TRAP1: variants seen among roughly 807,000 people sequenced by gnomAD.
TRAP1 encodes TNF receptor associated protein 1.
A neutral mutation model predicts 89.1 loss-of-function variants in TRAP1; 102 were observed. The ratio of observed to expected loss-of-function variants is 1.15; its 90% CI spans 0.98 to 1.35. The LOEUF is 1.35. Among genes scored for constraint, TRAP1 ranks in the 40% most tolerant of loss-of-function variants. The probability of loss-of-function intolerance (pLI) is 0.00; values close to 1 mark genes in which losing one functional copy is unlikely to be tolerated. For missense variants in TRAP1, 1,256 were observed against 945.3 expected, an observed-to-expected ratio of 1.33 and a Z score of -4.31; for synonymous variants, 508 against 388.0, an observed-to-expected ratio of 1.31 and a Z score of -3.64.
chr16:3,669,278 G>A (rs1255153864), intron 11 of TRAP1, among the ~76,000 whole-genome samples: 1 of 152,198 alleles, frequency 6.6e-6, no homozygotes, highest in South Asian at 2.1e-4. Flanking sequence ...AACGACCACA[G>A]AACAGTCGCT....
chr16:3,663,582 G>A lies in TRAP1; in HGVS notation c.1570-20C>T. 1 of 1,613,116 alleles carries A rather than the reference G, an allele frequency of 6.2e-7. No homozygotes were observed. The highest frequency in any genetic ancestry group is 8.5e-7 in the Non-Finnish European group (1 of 1,179,804). ...GAGAACCTGCAGGTGGCCAAGAGCAGCTCCATCAGACCCCGGGGGCCTCCA... is the reference window on the plus strand; with the variant it reads ...GAGAACCTGCAGGTGGCCAAGAGCAACTCCATCAGACCCCGGGGGCCTCCA... On this transcript the variant is annotated intron_variant, in intron 13 of 17. Transcript: ENST00000246957.
chr16:3,691,149 T>A (rs1186286470), intron 1 of TRAP1, 164 bp from the exon 2 acceptor site: 5 of 591,278 alleles, frequency 8.5e-6, no homozygotes, highest in Admixed American at 8.4e-5. Context: ...AGTGTCAGGG[T>A]GTGGTTTTGG....
Position 3,706,293 on chromosome 16 carries a change from G to A in TRAP1, c.88+11128C>T, listed in dbSNP as rs138034040. Among the ~76,000 whole-genome samples the A allele has an allele frequency of 4.2e-3, 642 of 151,826 alleles. 4 individuals carry two copies. The highest frequency in any genetic ancestry group is 5.9e-3 in the Non-Finnish European group (401 of 67,968). On this transcript the variant is annotated intron_variant, in intron 1 of 17. Coordinates refer to ENST00000246957, the MANE Select transcript of TRAP1 (RefSeq NM_016292.3). ...TTACTGTAACTTTTGTTTTGGGGTG[G>A]GGTGGGGGTCTCACTATGTTGCCTG...
chr16:3,713,239 A>G (rs2051555061), intron 1 of TRAP1, among the ~76,000 whole-genome samples: 1 of 152,188 alleles, frequency 6.6e-6, no homozygotes, highest in African/African-American at 2.4e-5. Flanking sequence ...CGGAAATCAA[A>G]CAGCACAGGC....
chr16:3,704,143 G>C (rs1238154060), intron 1 of TRAP1: 2 of 152,258 alleles, frequency 1.3e-5, no homozygotes, highest in Admixed American at 6.5e-5. Context: ...TCAGGGGTTT[G>C]AGAACAGCCT....
At chr16:3,705,501 T>G (rs1293478625) in intron 1 of TRAP1, among the ~76,000 whole-genome samples, 2 of 152,222 alleles carry the variant, frequency 1.3e-5, no homozygotes, top group South Asian at 2.1e-4. Context: ...TTCTGGGCAC[T>G]TCACAGAAAT....
Position 3,679,776 on chromosome 16 carries a change from C to A in TRAP1, c.486G>T (p.Gly162=), listed in dbSNP as rs757449200. 1.2e-6 allele frequency: 2 copies of A among 1,614,098 alleles called. No homozygotes were observed. Among genetic ancestry groups the A allele is most frequent in the South Asian group, 1.1e-5 (1 of 91,088 alleles). The change falls in exon 5 of 18, where the codon GGG becomes GGT. Residue 162 remains glycine (G), a synonymous_variant. Coordinates refer to ENST00000246957, the MANE Select transcript of TRAP1 (RefSeq NM_016292.3). ...GTITIQDTGI[G]MTQEELVSNL... The stretch of plus-strand genomic sequence containing the variant: ...TGGACACCAGCTCTTCCTGTGTCAT[C>A]CCGATACCAGTATCCTGAGGAGAGA...
At chr16:3,671,423 C>A (rs1448114378) in intron 11 of TRAP1, among the ~76,000 whole-genome samples, 1 of 152,232 alleles carries the variant, frequency 6.6e-6, no homozygotes, top group Non-Finnish European at 1.5e-5. Context: ...GGCTGGCCTG[C>A]TGCAGGGCTG....
At chr16:3,679,114 A>T (rs1417347520) in intron 5 of TRAP1, among the ~76,000 whole-genome samples, 1 of 151,578 alleles carries the variant, frequency 6.6e-6, no homozygotes, top group Non-Finnish European at 1.5e-5. Flanking sequence ...ACATGGTGAA[A>T]CCCCGTCTCT....
chr16:3,674,574 C>A, intron 8 of TRAP1, 80 bp from the exon 9 acceptor site: 1 of 1,526,834 alleles, frequency 6.5e-7, no homozygotes, highest in Non-Finnish European at 8.9e-7. Flanking sequence ...TGAGCCAGTG[C>A]AGCGCCTGGC....
chr16:3,712,934 G>A (rs750422196), intron 1 of TRAP1, among the ~76,000 whole-genome samples: 1 of 152,050 alleles, frequency 6.6e-6, no homozygotes, highest in Non-Finnish European at 1.5e-5. Flanking sequence ...TCTTTTTCAG[G>A]CACTCAGATA....
In TRAP1 at chr16:3,690,766, C is replaced by T. The variant is rs1280413139; in HGVS notation, c.247+61G>A. 9 of 1,328,572 alleles carry T rather than the reference C, an allele frequency of 6.8e-6. No individual in the cohort carries two copies. In the South Asian group the frequency reaches 1.3e-4, roughly 19 times the overall value. The allele number at this position is 1,328,572 out of a possible 1,614,324, so 82.3% of individuals were successfully genotyped here. A position where few individuals can be genotyped will look rare whatever the true frequency, so the allele number is the denominator to read the frequency against. Reference sequence around the variant, plus strand: ...ATCACTGCCTCCACCCTGAAAATGCCCCTTTACGCACAGCAGTGAACCAAA... The same window carrying T: ...ATCACTGCCTCCACCCTGAAAATGCTCCTTTACGCACAGCAGTGAACCAAA... On this transcript the variant is annotated intron_variant, in intron 2 of 17. Transcript: ENST00000246957.
intron 11 of TRAP1, 132 bp downstream of exon 11, chr16:3,671,590 A>G: frequency 1.1e-6 from 1 of 907,238 alleles, no homozygotes; most frequent in Non-Finnish European, 1.7e-6. Flanking sequence ...GAGGGCCCCC[A>G]TGTGCAGGCC....
intron 1 of TRAP1, among the ~76,000 whole-genome samples, chr16:3,698,317 A>G (rs534565231): frequency 6.7e-6 from 1 of 148,690 alleles, no homozygotes; most frequent in African/African-American, 2.5e-5. Flanking sequence ...TTCCACAACA[A>G]CTTTTTTTTT....
At position 3,703,767 on chromosome 16, in the gene TRAP1, G is replaced by A. The variant is rs370268635; in HGVS notation, c.89-12782C>T. Among the ~76,000 whole-genome samples the A allele has an allele frequency of 2.8e-4, 43 of 152,150 alleles. 1 individual carries two copies. The East Asian group carries it at 7.9e-3, about 28-fold the overall frequency. ...GCGGTGGCTTACGCCTGTAATCCCA[G>A]CACTTTGGGAGGCCGAGGCGGGCAG... is the stretch of plus-strand genomic sequence containing the variant. On this transcript the variant is annotated intron_variant, in intron 1 of 17. Transcript: ENST00000246957.
chr16:3,658,952 AAGAAGCACAGT>A (rs751375081), intron 16 of TRAP1, 87 bp from the exon 17 acceptor site: 28 of 1,376,560 alleles, frequency 2.0e-5, no homozygotes, highest in Middle Eastern at 1.8e-4. Context: ...AGGATATTTA[AAGAAGCACAGT>A]AAGACTGTCT....
intron 1 of TRAP1, among the ~76,000 whole-genome samples, chr16:3,716,700 G>A (rs971983025): frequency 1.3e-5 from 2 of 152,206 alleles, no homozygotes; most frequent in Non-Finnish European, 2.9e-5. Flanking sequence ...CCGAAGCAAT[G>A]CCGAAACTTT....
chr16:3,666,070 G>A lies in TRAP1; in HGVS notation c.1284C>T (p.Asp428=). 1.2e-6 allele frequency: 2 copies of A among 1,614,030 alleles called. No homozygotes were observed. The highest frequency in any genetic ancestry group is 1.6e-4 in the Middle Eastern group (1 of 6,062). ...LQQRLIKFFI[D]QSKKDAEKYA... is the part of the protein sequence containing the mutation. ...ACTTCTCAGCATCTTTTTTACTCTG[G>A]TCAATGAAGAATTTGATCAGCCTCT... is the stretch of plus-strand genomic sequence containing the variant. Residue 428 remains aspartate, a synonymous_variant, in exon 12 of 18, where the codon GAC becomes GAT. Coordinates refer to ENST00000246957, the MANE Select transcript of TRAP1 (RefSeq NM_016292.3).
chr16:3,692,105 T>TGGCC lies in TRAP1; in HGVS notation c.89-1124_89-1121dup, dbSNP rs1289600406. The stretch of plus-strand genomic sequence containing the variant: ...AATACGTGATGGTGTCAAGGATATG[T>TGGCC]GGCCAGCCAGCCACGCCGTGTCAAA... On this transcript the variant is annotated intron_variant, in intron 1 of 17. Transcript: ENST00000246957. Among the ~76,000 whole-genome samples, 6 of 152,228 alleles carry TGGCC rather than the reference T, an allele frequency of 3.9e-5. No homozygotes were observed. In the East Asian group the frequency reaches 1.2e-3, roughly 29 times the overall value.
Sources: allele counts gnomAD v4.1 joint callset (sites outside exome capture counted in the v4.1 genomes callset), GRCh38; gene constraint gnomAD v4.1.1; transcripts MANE v1.5; gene names NCBI Gene and HGNC (gene_info 2026-07-23, HGNC 2026-07-21).